DMRT1: variants seen among roughly 807,000 people sequenced by gnomAD.
The protein encoded by DMRT1 is doublesex- and mab-3-related transcription factor 1.
In DMRT1, 7 loss-of-function variants were observed where a neutral mutation model predicts 32.3. The observed-to-expected ratio is 0.22, with a 90% CI of 0.12 to 0.41. The LOEUF is 0.41. Among genes scored for constraint, DMRT1 ranks in the 10% least tolerant of loss-of-function variants. The pLI is 1.00. For synonymous variants in DMRT1, 278 were observed against 206.1 expected, an observed-to-expected ratio of 1.35 and a Z score of -2.99; for missense variants, 625 against 500.5, an observed-to-expected ratio of 1.25 and a Z score of -2.37.
At chr9:876,183 A>G (rs938313319) in intron 2 of DMRT1, among the ~76,000 whole-genome samples, 5 of 152,154 alleles carry the variant, frequency 3.3e-5, no homozygotes, top group African/African-American at 1.2e-4. Flanking sequence ...ACAGCACAAC[A>G]TAGTTAGGTT....
chr9:921,482 G>C (rs1262010471), intron 4 of DMRT1, among the ~76,000 whole-genome samples: 3 of 152,100 alleles, frequency 2.0e-5, no homozygotes, highest in African/African-American at 7.2e-5. Flanking sequence ...TTGAATGTCT[G>C]ATTTCACTTC....
intron 4 of DMRT1, among the ~76,000 whole-genome samples, chr9:922,320 C>G (rs1818380833): frequency 6.6e-6 from 1 of 152,120 alleles, no homozygotes; most frequent in South Asian, 2.1e-4. Flanking sequence ...GATCACTTGT[C>G]TAGTGCCCAG....
chr9:945,724 T>TA (rs950442314), intron 4 of DMRT1, among the ~76,000 whole-genome samples: 67 of 147,340 alleles, frequency 4.5e-4, no homozygotes, highest in African/African-American at 1.6e-3. Flanking sequence ...GTTGCTTTTT[T>TA]AAAAAAAAAT....
chr9:871,767 CCTGG>C (rs1816276792), intron 2 of DMRT1, among the ~76,000 whole-genome samples: 1 of 151,268 alleles, frequency 6.6e-6, no homozygotes, highest in African/African-American at 2.5e-5. Flanking sequence ...AGCAACCGTG[CCTGG>C]CCGGCCTAGT....
At chr9:917,444 T>C (rs1048019241) in intron 4 of DMRT1, among the ~76,000 whole-genome samples, 94 of 152,338 alleles carry the variant, frequency 6.2e-4, no homozygotes, top group African/African-American at 2.1e-3. Flanking sequence ...TCAAAGCACT[T>C]TGAAATACAT....
chr9:858,275 G>A (rs994165710), intron 2 of DMRT1, among the ~76,000 whole-genome samples: 5 of 152,094 alleles, frequency 3.3e-5, no homozygotes, highest in African/African-American at 1.2e-4. Flanking sequence ...TTTTACAGGT[G>A]GTGACACTAG....
intron 4 of DMRT1, among the ~76,000 whole-genome samples, chr9:956,563 C>CAAAAAAA (rs199499677): frequency 1.2e-5 from 1 of 84,200 alleles, no homozygotes. Context: ...GACCCTGTCT[C>CAAAAAAA]AAAAAAAAAA....
chr9:933,733 A>G lies in DMRT1; in HGVS notation c.967+16826A>G, dbSNP rs140437191. ...AGGTGCTTTGTGGCTACAAGAGGCTAGTTATATCGTATTGGATAGTGCAGA... is the reference window on the plus strand; with the variant it reads ...AGGTGCTTTGTGGCTACAAGAGGCTGGTTATATCGTATTGGATAGTGCAGA... On this transcript the variant is annotated intron_variant, in intron 4 of 4. Coordinates refer to ENST00000382276, the MANE Select transcript of DMRT1 (RefSeq NM_021951.3). Among the ~76,000 whole-genome samples, 113 of 152,330 alleles carry G rather than the reference A, an allele frequency of 7.4e-4. 1 individual carries two copies. Among genetic ancestry groups the G allele is most frequent in the African/African-American group, 2.5e-3 (105 of 41,594 alleles).
At chr9:875,991 C>T (rs1589486302) in intron 2 of DMRT1, among the ~76,000 whole-genome samples, 2 of 152,204 alleles carry the variant, frequency 1.3e-5, no homozygotes, top group South Asian at 2.1e-4. Context: ...GCTGGGAACT[C>T]GAGTTCCCGC....
chr9:878,341 C>G lies in DMRT1; in HGVS notation c.539-15571C>G, dbSNP rs544070811. On this transcript the variant is annotated intron_variant, in intron 2 of 4. Coordinates refer to ENST00000382276, the MANE Select transcript of DMRT1 (RefSeq NM_021951.3). ...TGGAAAAGGGAAGGAATGGTGCACT[C>G]TACTCCACTGGGTTGCATTTGCCTC... 7.9e-5 allele frequency among the ~76,000 whole-genome samples: 12 copies of G among 152,190 alleles called. No homozygotes were observed. In the East Asian group the frequency reaches 9.7e-4, roughly 12 times the overall value.
intron 2 of DMRT1, among the ~76,000 whole-genome samples, chr9:864,029 A>G (rs1043453706): frequency 3.3e-5 from 5 of 152,032 alleles, no homozygotes; most frequent in African/African-American, 1.2e-4. Flanking sequence ...GCGGGGTGAT[A>G]AGAGTCCCAG....
intron 2 of DMRT1, among the ~76,000 whole-genome samples, chr9:884,990 A>G (rs1411866504): frequency 1.3e-5 from 2 of 152,200 alleles, no homozygotes; most frequent in African/African-American, 4.8e-5. Flanking sequence ...AAACAAAAAC[A>G]TCTAACTTCA....
At chr9:847,458 T>C (rs1202672055) in intron 2 of DMRT1, among the ~76,000 whole-genome samples, 1 of 152,206 alleles carries the variant, frequency 6.6e-6, no homozygotes, top group African/African-American at 2.4e-5. Context: ...GTCATCCTTG[T>C]GGGAACTAAA....
At chr9:890,843 T>C (rs1817118063) in intron 2 of DMRT1, among the ~76,000 whole-genome samples, 1 of 152,154 alleles carries the variant, frequency 6.6e-6, no homozygotes. Context: ...TCCTCTGCAG[T>C]AGCTGGGTCT....
At chr9:952,761 A>G (rs1431361324) in intron 4 of DMRT1, among the ~76,000 whole-genome samples, 1 of 152,200 alleles carries the variant, frequency 6.6e-6, no homozygotes, top group Non-Finnish European at 1.5e-5. Context: ...TACCTGATCT[A>G]CTTGGAATGT....
chr9:864,274 G>A (rs995846116), intron 2 of DMRT1, among the ~76,000 whole-genome samples: 12 of 149,596 alleles, frequency 8.0e-5, no homozygotes, highest in Middle Eastern at 3.4e-3. Flanking sequence ...GTGTGATCTC[G>A]GCTCACTGCA....
At chr9:856,744 G>A (rs552738557) in intron 2 of DMRT1, among the ~76,000 whole-genome samples, 2 of 152,134 alleles carry the variant, frequency 1.3e-5, no homozygotes, top group Non-Finnish European at 2.9e-5. Context: ...ATTCTCTTGG[G>A]TATATACCAA....
At chr9:868,091 C>T (rs1445683912) in intron 2 of DMRT1, among the ~76,000 whole-genome samples, 1 of 152,200 alleles carries the variant, frequency 6.6e-6, no homozygotes, top group Non-Finnish European at 1.5e-5. Flanking sequence ...AGTCCTCCCA[C>T]CTCAGCCTCC....
At chr9:854,772 CTTT>C (rs566337598) in intron 2 of DMRT1, among the ~76,000 whole-genome samples, 1 of 100,444 alleles carries the variant, frequency 1.0e-5, no homozygotes. Flanking sequence ...AACAAAACTC[CTTT>C]TTTTTTTTGA....
Sources: gnomAD v4.1 joint callset for allele counts (sites outside exome capture counted in the v4.1 genomes callset) on GRCh38, gnomAD v4.1.1 for gene constraint, MANE v1.5 for transcripts, NCBI Gene and HGNC (gene_info 2026-07-23, HGNC 2026-07-21) for gene names.